Variants in TMEM87A observed in about 807,000 individuals in gnomAD.
TMEM87A encodes the protein Golgi-pH regulating cation channel.
In TMEM87A, 50 loss-of-function variants were observed where a neutral mutation model predicts 90.0. The ratio of observed to expected loss-of-function variants is 0.56; its 90% CI spans 0.44 to 0.70. The LOEUF (loss-of-function observed/expected upper bound fraction) is 0.70. TMEM87A is among the 30% of genes least tolerant of loss of function. TMEM87A has a pLI of 0.00. For missense variants in TMEM87A, 577 were observed against 660.5 expected, an observed-to-expected ratio of 0.87 and a Z score of 1.39; for synonymous variants, 226 against 226.7, an observed-to-expected ratio of 1.00 and a Z score of 0.03.
intron 3 of TMEM87A, among the ~76,000 whole-genome samples, 194 bp downstream of exon 3, chr15:42,267,753 A>G (rs192556916): frequency 9.8e-5 from 15 of 152,346 alleles, no homozygotes; most frequent in Non-Finnish European, 2.2e-4. Flanking sequence ...GGAGTCCACA[A>G]TAATTTTTAC....
At chr15:42,218,110 C>A in intron 18 of TMEM87A, 1 of 633,828 alleles carries the variant, frequency 1.6e-6, no homozygotes, top group South Asian at 2.2e-5. Context: ...GTATCCCATT[C>A]ATTTTAAGAT....
intron 12 of TMEM87A, among the ~76,000 whole-genome samples, chr15:42,229,175 A>G (rs941747224): frequency 2.0e-5 from 3 of 151,654 alleles, no homozygotes; most frequent in African/African-American, 7.3e-5. Context: ...GCTAATTTTT[A>G]AATTTTTTTG....
intron 19 of TMEM87A, 94 bp downstream of exon 19, chr15:42,217,709 G>T: frequency 1.6e-6 from 2 of 1,254,992 alleles, no homozygotes; most frequent in Non-Finnish European, 2.3e-6. Context: ...GGCCACTACT[G>T]AGTCAAATAA....
At chr15:42,220,248 AT>A in intron 15 of TMEM87A, 113 bp from the exon 16 acceptor site, 2 of 726,896 alleles carry the variant, frequency 2.8e-6, no homozygotes, top group African/African-American at 1.8e-5. Context: ...AATTCATTAA[AT>A]CAGTTTAATA....
chr15:42,254,051 T>C (rs953951357), intron 6 of TMEM87A, among the ~76,000 whole-genome samples: 11 of 151,948 alleles, frequency 7.2e-5, no homozygotes, highest in African/African-American at 2.4e-4. Context: ...ACTATTTTTT[T>C]CTTTTTTTTT....
At chr15:42,255,930 C>T (rs573627704) in intron 6 of TMEM87A, among the ~76,000 whole-genome samples, 36 of 118,924 alleles carry the variant, frequency 3.0e-4, no homozygotes, top group African/African-American at 1.1e-3. Context: ...CCACCACACC[C>T]AGCTAATTTT....
intron 15 of TMEM87A, among the ~76,000 whole-genome samples, chr15:42,223,103 A>G (rs941960280): frequency 2.0e-5 from 3 of 152,196 alleles, no homozygotes; most frequent in Non-Finnish European, 2.9e-5. Context: ...AGAAATTCCT[A>G]CAAATTGGGC....
chr15:42,260,522 T>C (rs1168468120), intron 6 of TMEM87A, among the ~76,000 whole-genome samples: 1 of 152,234 alleles, frequency 6.6e-6, no homozygotes, highest in African/African-American at 2.4e-5. Flanking sequence ...TGGTGATGTT[T>C]TGAGGAATTA....
chr15:42,251,694 A>C (rs946318465), intron 6 of TMEM87A, among the ~76,000 whole-genome samples: 7 of 152,206 alleles, frequency 4.6e-5, no homozygotes, highest in Admixed American at 2.6e-4. Flanking sequence ...GTTAGGCTAC[A>C]TGGGGGTCAG....
intron 6 of TMEM87A, among the ~76,000 whole-genome samples, chr15:42,255,137 TTTTG>T (rs934654313): frequency 6.6e-6 from 1 of 150,630 alleles, no homozygotes; most frequent in African/African-American, 2.5e-5. Context: ...AAATTGGGGG[TTTTG>T]TTTTTTTTTA....
At chr15:42,261,894 G>A (rs1024180370) in intron 4 of TMEM87A, among the ~76,000 whole-genome samples, 3 of 152,104 alleles carry the variant, frequency 2.0e-5, no homozygotes, top group Non-Finnish European at 4.4e-5. Flanking sequence ...TCGGCCTCCC[G>A]AAGTGCTGGG....
intron 6 of TMEM87A, among the ~76,000 whole-genome samples, chr15:42,253,585 A>G (rs1025043721): frequency 6.6e-6 from 1 of 152,180 alleles, no homozygotes; most frequent in Non-Finnish European, 1.5e-5. Flanking sequence ...TTTAAGAAAA[A>G]GGTCTGTATT....
At chr15:42,259,126 G>T (rs149049254) in intron 6 of TMEM87A, 7 of 631,394 alleles carry the variant, frequency 1.1e-5, no homozygotes, top group African/African-American at 7.4e-5. Context: ...CTAGGCAAAG[G>T]GGGTAGGGGA....
In TMEM87A at chr15:42,251,289, G is replaced by T. The variant is rs540439701; in HGVS notation, c.505-7122C>A. Among the ~76,000 whole-genome samples the T allele has an allele frequency of 2.0e-5, 3 of 152,164 alleles. No homozygotes were observed. The South Asian group carries it at 6.2e-4, about 32-fold the overall frequency. On this transcript the variant is annotated intron_variant, in intron 6 of 19. Transcript: ENST00000389834. ...TGTCCAGCTTTGTTCCGTTGCTCGCGGGGAGCTGCAATCCTTTGGAGGAGA... is the reference window on the plus strand; with the variant it reads ...TGTCCAGCTTTGTTCCGTTGCTCGCTGGGAGCTGCAATCCTTTGGAGGAGA...
At chr15:42,218,178 T>C in intron 18 of TMEM87A, 145 bp downstream of exon 18, 3 of 825,852 alleles carry the variant, frequency 3.6e-6, no homozygotes, top group South Asian at 1.9e-5. Flanking sequence ...TAAACCCAAT[T>C]AATTTTGTTT....
At chr15:42,238,848 T>C (rs1422854226) in intron 8 of TMEM87A, among the ~76,000 whole-genome samples, 1 of 151,028 alleles carries the variant, frequency 6.6e-6, no homozygotes, top group Non-Finnish European at 1.5e-5. Context: ...GCATGATGAT[T>C]AGGATACATC....
chr15:42,264,916 C>T (rs1232367880), intron 3 of TMEM87A, among the ~76,000 whole-genome samples: 1 of 151,894 alleles, frequency 6.6e-6, no homozygotes, highest in South Asian at 2.1e-4. Flanking sequence ...CATGTGTTCT[C>T]ATCATTCAGC....
intron 3 of TMEM87A, among the ~76,000 whole-genome samples, chr15:42,265,625 G>A (rs2051387431): frequency 6.6e-6 from 1 of 152,094 alleles, no homozygotes. Flanking sequence ...TGCATAGTTT[G>A]CAAATATTTT....
At chr15:42,217,614 G>A (rs1014325376) in intron 19 of TMEM87A, among the ~76,000 whole-genome samples, 189 bp downstream of exon 19, 2 of 152,140 alleles carry the variant, frequency 1.3e-5, no homozygotes, top group African/African-American at 4.8e-5. Flanking sequence ...ATAGACAGAT[G>A]CAAAGAAAGG....
Sources: allele counts gnomAD v4.1 joint callset (sites outside exome capture counted in the v4.1 genomes callset), GRCh38; gene constraint gnomAD v4.1.1; transcripts MANE v1.5; gene names NCBI Gene and HGNC (gene_info 2026-07-23, HGNC 2026-07-21).